MCC: variants seen among roughly 807,000 people sequenced by gnomAD.
The protein encoded by MCC is MCC regulator of Wnt signaling pathway.
A neutral mutation model predicts 116.2 loss-of-function variants in MCC; 90 were observed. The ratio of observed to expected loss-of-function variants is 0.77; its 90% CI spans 0.65 to 0.92. The LOEUF is 0.92. Among genes scored for constraint, MCC ranks in the 40% least tolerant of loss-of-function variants. The pLI is 0.00. For synonymous variants in MCC, 578 were observed against 510.5 expected, an observed-to-expected ratio of 1.13 and a Z score of -1.78; for missense variants, 1,516 against 1,312.2, an observed-to-expected ratio of 1.16 and a Z score of -2.40.
chr5:113,125,893 A>G (rs983569325), intron 5 of MCC, among the ~76,000 whole-genome samples: 1 of 152,214 alleles, frequency 6.6e-6, no homozygotes, highest in African/African-American at 2.4e-5. Flanking sequence ...TGCCTCCCAA[A>G]AAAACACCAA....
At chr5:113,238,644 C>A (rs1329504155) in intron 3 of MCC, among the ~76,000 whole-genome samples, 1 of 152,030 alleles carries the variant, frequency 6.6e-6, no homozygotes, top group African/African-American at 2.4e-5. Context: ...AACAAAGAGA[C>A]CAGAGATTAG....
At chr5:113,325,973 G>C (rs1767540074) in intron 3 of MCC, among the ~76,000 whole-genome samples, 1 of 152,230 alleles carries the variant, frequency 6.6e-6, no homozygotes, top group Admixed American at 6.5e-5. Context: ...TGAGATGCCA[G>C]TGAGTGTGGA....
At chr5:113,081,084 C>T (rs1008145526) in intron 11 of MCC, among the ~76,000 whole-genome samples, 1 of 152,176 alleles carries the variant, frequency 6.6e-6, no homozygotes, top group East Asian at 1.9e-4. Flanking sequence ...CCCCCCCTCC[C>T]CTGCCAATCA....
intron 1 of MCC, among the ~76,000 whole-genome samples, chr5:113,413,044 G>T (rs200773121): frequency 6.6e-6 from 1 of 152,092 alleles, no homozygotes; most frequent in Non-Finnish European, 1.5e-5. Flanking sequence ...GGTTTTTGTC[G>T]TTGGTTCTGT....
intron 1 of MCC, among the ~76,000 whole-genome samples, chr5:113,459,825 A>AACACACACACACACACACACAC (rs5870543): frequency 8.8e-5 from 13 of 147,632 alleles, no homozygotes; most frequent in East Asian, 2.0e-4. Flanking sequence ...CGCTATGGAA[A>AACACACACACACACACACACAC]ACACACACAC....
intron 3 of MCC, among the ~76,000 whole-genome samples, chr5:113,260,082 G>GA (rs35105365): frequency 5.3e-4 from 77 of 146,528 alleles, no homozygotes; most frequent in East Asian, 1.4e-3. Context: ...TTCAACTCTG[G>GA]AAAAAAAAAA....
intron 6 of MCC, among the ~76,000 whole-genome samples, chr5:113,105,061 A>G (rs10067901): frequency 0.45 from 68,309 of 152,100 alleles, 17,289 homozygotes; most frequent in African/African-American, 0.7. Context: ...TGATTCAGAT[A>G]TATCTTAGAA....
intron 3 of MCC, among the ~76,000 whole-genome samples, chr5:113,249,880 T>C (rs1280957568): frequency 6.6e-6 from 1 of 152,230 alleles, no homozygotes; most frequent in African/African-American, 2.4e-5. Flanking sequence ...TACCATCTAC[T>C]TAACTAATTC....
intron 3 of MCC, among the ~76,000 whole-genome samples, chr5:113,155,862 T>C (rs181171205): frequency 1.9e-4 from 29 of 152,282 alleles, no homozygotes; most frequent in Admixed American, 1.8e-3. Context: ...TCAGCGAAAA[T>C]ATTCCAGTTC....
rs575738907 is a variant in MCC, at chr5:113,100,941, A to C, written c.1398+798T>G. On this transcript the variant is annotated intron_variant, in intron 8 of 18. Coordinates refer to ENST00000408903, the MANE Select transcript of MCC (RefSeq NM_001085377.2). ...GTTTGATTGAGGAATTCATTGCTTCACCCCCAGTCCAATCACAGATCAAAC... is the reference window on the plus strand; with the variant it reads ...GTTTGATTGAGGAATTCATTGCTTCCCCCCCAGTCCAATCACAGATCAAAC... Among the ~76,000 whole-genome samples the C allele has an allele frequency of 5.3e-5, 8 of 152,220 alleles. No homozygotes were observed. The East Asian group carries it at 1.4e-3, about 26-fold the overall frequency.
chr5:113,104,649 G>GT, intron 6 of MCC: 1 of 243,566 alleles, frequency 4.1e-6, no homozygotes, highest in Non-Finnish European at 7.8e-6. Flanking sequence ...AGAAGAGGCT[G>GT]TTGGCACTTC....
intron 1 of MCC, among the ~76,000 whole-genome samples, chr5:113,404,866 CA>C (rs1769788317): frequency 6.6e-6 from 1 of 151,656 alleles, no homozygotes; most frequent in Admixed American, 6.6e-5. Context: ...ATGATACATA[CA>C]AAAGTAGTAG....
Position 113,104,246 on chromosome 5 carries a change from G to A in MCC, c.1137C>T (p.Asp379=), listed in dbSNP as rs1300304674. ...SSCSLSVAEV[D]KHIEQLTTAS... ...CTGTGGTGAGCTGCTCAATGTGCTT[G>A]TCCACCTCGGCCACGGAGAGGCTGC... The change falls in exon 7 of 19, where the codon GAC becomes GAT. Residue 379 remains aspartate, a synonymous_variant. Transcript: ENST00000408903. The A allele has an allele frequency of 6.8e-6, 11 of 1,613,900 alleles. No individual in the cohort carries two copies. The highest frequency in any genetic ancestry group is 2.7e-5 in the African/African-American group (2 of 74,916).
chr5:113,222,300 T>C (rs920095084), intron 3 of MCC, among the ~76,000 whole-genome samples: 6 of 152,334 alleles, frequency 3.9e-5, no homozygotes, highest in Admixed American at 6.5e-5. Flanking sequence ...ATTTTTAATA[T>C]ATTATTGGGT....
rs1256147061 is a variant in MCC, at chr5:113,382,566, A to G, written c.415+2402T>C. Reference sequence around the variant, plus strand: ...ATGGTGCCCAGCCTAATTAGTGTCAATTTTTGGATGTATTTGATTTACGTT... The same window carrying G: ...ATGGTGCCCAGCCTAATTAGTGTCAGTTTTTGGATGTATTTGATTTACGTT... On this transcript the variant is annotated intron_variant, in intron 2 of 18. Coordinates refer to ENST00000408903, the MANE Select transcript of MCC (RefSeq NM_001085377.2). 4.6e-5 allele frequency among the ~76,000 whole-genome samples: 7 copies of G among 152,006 alleles called. No homozygotes were observed. The East Asian group carries it at 1.3e-3, about 29-fold the overall frequency.
chr5:113,082,813 G>C, intron 11 of MCC, 47 bp downstream of exon 11: 1 of 1,598,868 alleles, frequency 6.3e-7, no homozygotes, highest in Non-Finnish European at 8.5e-7. Context: ...GTGAGGAGTA[G>C]CACCTCCTCC....
intron 3 of MCC, among the ~76,000 whole-genome samples, chr5:113,299,290 CTCAAAAAAAAAAAAA>C (rs1766791816): frequency 3.0e-5 from 2 of 65,630 alleles, no homozygotes; most frequent in Admixed American, 2.4e-4. Context: ...GAGACTCCGT[CTCAAAAAAAAAAAAA>C]AAAAAAAAAA....
At chr5:113,169,088 AC>A (rs1158087584) in intron 3 of MCC, among the ~76,000 whole-genome samples, 7 of 152,092 alleles carry the variant, frequency 4.6e-5, no homozygotes, top group Middle Eastern at 3.4e-3. Context: ...TGAAACTCCC[AC>A]CGTCCCAGAC....
chr5:113,411,576 G>C (rs992998304), intron 1 of MCC, among the ~76,000 whole-genome samples: 11 of 151,238 alleles, frequency 7.3e-5, no homozygotes, highest in Non-Finnish European at 1.2e-4. Flanking sequence ...TTTTTCAGGA[G>C]TAATTCTTAA....
Sources: allele counts gnomAD v4.1 joint callset (sites outside exome capture counted in the v4.1 genomes callset), GRCh38; gene constraint gnomAD v4.1.1; transcripts MANE v1.5; gene names NCBI Gene and HGNC (gene_info 2026-07-23, HGNC 2026-07-21).